Variants in NOL4 observed in about 807,000 individuals in gnomAD.
NOL4 encodes cancer/testis antigen 125.
A neutral mutation model predicts 75.9 loss-of-function variants in NOL4; 17 were observed. That is an observed-to-expected ratio of 0.22 (90% CI 0.15 to 0.34). The LOEUF (loss-of-function observed/expected upper bound fraction) is 0.34. Ranked by LOEUF, NOL4 falls within the 10% of genes least tolerant of loss-of-function variation. The probability of loss-of-function intolerance (pLI) is 1.00; values close to 1 mark genes in which losing one functional copy is unlikely to be tolerated. For missense variants in NOL4, 614 were observed against 793.5 expected (o/e 0.77, Z 2.72); for synonymous variants, 292 against 289.9 (o/e 1.01, Z -0.07).
Position 33,852,670 on chromosome 18 carries a change from TC to T in NOL4, c.*171del, listed in dbSNP as rs1330507121. On this transcript the variant is annotated 3_prime_UTR_variant, in exon 11 of 11. Transcript: ENST00000261592. ...GCTCAAGTACTTCAGAGGTCAGAGT[TC>T]CTTTGAAGCACCTTAACACATCACT... 3.4e-6 allele frequency: 2 copies of T among 590,940 alleles called. No homozygotes were observed. Among genetic ancestry groups the T allele is most frequent in the Non-Finnish European group, 5.8e-6 (2 of 344,366 alleles). The allele number at this position is 590,940 out of a possible 1,614,324, so 36.6% of individuals were successfully genotyped here. A position where few individuals can be genotyped will look rare whatever the true frequency, so the allele number is the denominator to read the frequency against.
chr18:34,164,862 G>C (rs12959592), intron 1 of NOL4, among the ~76,000 whole-genome samples: 1,551 of 151,526 alleles, frequency 0.01, 29 homozygotes, highest in African/African-American at 0.035. Flanking sequence ...CAATGATAGA[G>C]TGGATTAAGA....
At chr18:33,874,316 T>C (rs561066867) in intron 10 of NOL4, among the ~76,000 whole-genome samples, 3 of 152,070 alleles carry the variant, frequency 2.0e-5, no homozygotes, top group Admixed American at 2.0e-4. Flanking sequence ...CATGAAATTG[T>C]ATTTCAAGAA....
intron 8 of NOL4, among the ~76,000 whole-genome samples, chr18:33,947,098 T>A (rs2068888245): frequency 2.0e-5 from 3 of 151,732 alleles, no homozygotes; most frequent in Non-Finnish European, 4.4e-5. Flanking sequence ...TTTAAAAAAA[T>A]TTCTCTATAA....
At chr18:34,056,408 A>T (rs2145056131) in intron 5 of NOL4, among the ~76,000 whole-genome samples, 1 of 151,890 alleles carries the variant, frequency 6.6e-6, no homozygotes, top group African/African-American at 2.4e-5. Context: ...CAGCCTGCCC[A>T]TTTTTTTCTC....
chr18:33,902,785 A>T (rs1008881019), intron 9 of NOL4, among the ~76,000 whole-genome samples: 1 of 152,148 alleles, frequency 6.6e-6, no homozygotes, highest in Non-Finnish European at 1.5e-5. Flanking sequence ...TAACTGGCCT[A>T]AAAAACAAAG....
intron 9 of NOL4, among the ~76,000 whole-genome samples, chr18:33,898,983 T>G (rs772704827): frequency 2.0e-5 from 3 of 152,152 alleles, no homozygotes; most frequent in Non-Finnish European, 4.4e-5. Flanking sequence ...CCATCCCCAC[T>G]CCACTGGGGT....
intron 5 of NOL4, among the ~76,000 whole-genome samples, chr18:34,073,757 A>G (rs1394946018): frequency 1.3e-5 from 2 of 152,100 alleles, no homozygotes; most frequent in African/African-American, 4.8e-5. Context: ...CTACAAAATA[A>G]TAGGGATATA....
At chr18:34,201,120 G>C (rs952129331) in intron 1 of NOL4, among the ~76,000 whole-genome samples, 1 of 151,566 alleles carries the variant, frequency 6.6e-6, no homozygotes, top group Non-Finnish European at 1.5e-5. Context: ...GCAAGAGAGG[G>C]GGACAGAGGA....
chr18:34,088,110 C>G (rs970256786), intron 5 of NOL4, among the ~76,000 whole-genome samples: 4 of 151,452 alleles, frequency 2.6e-5, no homozygotes, highest in African/African-American at 9.7e-5. Context: ...ACAAATACTC[C>G]CTTACAAAAT....
chr18:34,194,457 A>AAGGAAGGAAGGCAGGC (rs1301161192), intron 1 of NOL4, among the ~76,000 whole-genome samples: 3 of 146,206 alleles, frequency 2.1e-5, no homozygotes, highest in African/African-American at 7.6e-5. Flanking sequence ...GGAAGGAAGG[A>AAGGAAGGAAGGCAGGC]AGGCAGGCAG....
At chr18:33,875,868 G>A (rs1407835233) in intron 10 of NOL4, among the ~76,000 whole-genome samples, 1 of 151,964 alleles carries the variant, frequency 6.6e-6, no homozygotes, top group Non-Finnish European at 1.5e-5. Context: ...TATGTATAAT[G>A]GGAAATTTTC....
chr18:34,137,975 T>A (rs188996378), intron 1 of NOL4, among the ~76,000 whole-genome samples: 1 of 152,116 alleles, frequency 6.6e-6, no homozygotes, highest in Non-Finnish European at 1.5e-5. Context: ...AGGAATATCT[T>A]TCTACCATAA....
intron 1 of NOL4, among the ~76,000 whole-genome samples, chr18:34,139,464 T>G (rs914766627): frequency 6.6e-6 from 1 of 152,232 alleles, no homozygotes; most frequent in South Asian, 2.1e-4. Flanking sequence ...TTTATTTGCA[T>G]AGAGGTGTTT....
At chr18:34,184,013 T>C (rs945628005) in intron 1 of NOL4, among the ~76,000 whole-genome samples, 2 of 151,522 alleles carry the variant, frequency 1.3e-5, no homozygotes, top group African/African-American at 4.8e-5. Flanking sequence ...GATAAAAAAA[T>C]GCAACTGATA....
intron 6 of NOL4, among the ~76,000 whole-genome samples, chr18:33,977,105 G>A (rs1318758460): frequency 6.6e-6 from 1 of 152,058 alleles, no homozygotes; most frequent in Non-Finnish European, 1.5e-5. Context: ...GTCTTATAGT[G>A]TGCTTATTAT....
intron 9 of NOL4, among the ~76,000 whole-genome samples, chr18:33,897,788 A>T (rs936593285): frequency 1.3e-5 from 2 of 152,118 alleles, no homozygotes; most frequent in African/African-American, 4.8e-5. Flanking sequence ...TCTTCTAATA[A>T]TATCATCATT....
At chr18:34,115,637 T>A (rs1357063077) in intron 2 of NOL4, among the ~76,000 whole-genome samples, 1 of 152,128 alleles carries the variant, frequency 6.6e-6, no homozygotes, top group Non-Finnish European at 1.5e-5. Flanking sequence ...AATAGGTTTT[T>A]TACGCCCTAT....
chr18:33,936,414 T>C (rs1299456567), intron 9 of NOL4, among the ~76,000 whole-genome samples: 1 of 151,828 alleles, frequency 6.6e-6, no homozygotes, highest in African/African-American at 2.4e-5. Context: ...TGAGTTTTTT[T>C]TTTTTTTTTT....
intron 5 of NOL4, among the ~76,000 whole-genome samples, chr18:34,039,162 C>G (rs1004838063): frequency 6.6e-6 from 1 of 151,892 alleles, no homozygotes; most frequent in African/African-American, 2.4e-5. Flanking sequence ...TCTTTTCCCT[C>G]GTCTTATTGT....
Sources: allele counts gnomAD v4.1 joint callset (sites outside exome capture counted in the v4.1 genomes callset), GRCh38; gene constraint gnomAD v4.1.1; transcripts MANE v1.5; gene names NCBI Gene and HGNC (gene_info 2026-07-23, HGNC 2026-07-21).